The following NTRK3 variants were observed in gnomAD, a reference collection of about 807,000 sequenced individuals.
NTRK3 encodes neurotrophic receptor tyrosine kinase 3, also known as NT-3 growth factor receptor.
NTRK3 carries 24 observed loss-of-function variants against 91.7 expected under a neutral mutation model. The observed-to-expected ratio is 0.26, with a 90% CI of 0.19 to 0.37. The LOEUF (loss-of-function observed/expected upper bound fraction) is 0.37. Ranked by LOEUF, NTRK3 falls within the 10% of genes least tolerant of loss-of-function variation. The probability of loss-of-function intolerance (pLI) is 1.00; values close to 1 mark genes in which losing one functional copy is unlikely to be tolerated. For missense variants in NTRK3, 880 were observed against 1,068.9 expected (o/e 0.82, Z 2.46); for synonymous variants, 483 against 404.0 (o/e 1.20, Z -2.34).
intron 13 of NTRK3, among the ~76,000 whole-genome samples, chr15:88,096,048 G>C (rs1021374766): frequency 6.6e-6 from 1 of 152,066 alleles, no homozygotes; most frequent in Non-Finnish European, 1.5e-5. Context: ...TAGTATAAAT[G>C]GGAAAATAAT....
chr15:87,996,322 C>G (rs1385505865), intron 14 of NTRK3, among the ~76,000 whole-genome samples: 2 of 152,080 alleles, frequency 1.3e-5, no homozygotes, highest in Admixed American at 1.3e-4. Flanking sequence ...ATTGGGCTTG[C>G]AGGCTATAGT....
rs1598113397 is a variant in NTRK3 at position 88,237,370 on chromosome 15, G to T, written c.248+18536C>A. Among the ~76,000 whole-genome samples, 1 of 152,092 alleles carries T rather than the reference G, an allele frequency of 6.6e-6. No homozygotes were observed. The highest frequency in any genetic ancestry group is 2.1e-4 in the South Asian group (1 of 4,824). On this transcript the variant is annotated intron_variant, in intron 3 of 18. Transcript: ENST00000394480. The surrounding 1 kb of genome is among the most constrained non-coding windows in gnomAD (Gnocchi z 4.0). Reference sequence around the variant, plus strand: ...GCCCTATTTTGTGACCCATTGTTTTGGGAAGTTCTTTCTTACTGCTAAACC... The same window carrying T: ...GCCCTATTTTGTGACCCATTGTTTTTGGAAGTTCTTTCTTACTGCTAAACC...
intron 14 of NTRK3, among the ~76,000 whole-genome samples, chr15:87,991,550 C>T (rs2075289855): frequency 6.6e-6 from 1 of 152,156 alleles, no homozygotes; most frequent in South Asian, 2.1e-4. Context: ...TCTTGGCATT[C>T]CCATTATTGT....
chr15:88,238,957 C>T (rs1442163266), intron 3 of NTRK3, among the ~76,000 whole-genome samples: 1 of 152,220 alleles, frequency 6.6e-6, no homozygotes, highest in Non-Finnish European at 1.5e-5. Context: ...TCTCCATTTC[C>T]TCATCTGTCA....
intron 14 of NTRK3, among the ~76,000 whole-genome samples, chr15:87,993,662 C>G (rs1187396069): frequency 6.6e-6 from 1 of 152,196 alleles, no homozygotes; most frequent in Non-Finnish European, 1.5e-5. Flanking sequence ...CTACACAGCT[C>G]CCAAGCATCA....
intron 6 of NTRK3, among the ~76,000 whole-genome samples, chr15:88,145,036 G>A (rs1262505209): frequency 6.6e-6 from 1 of 152,090 alleles, no homozygotes; most frequent in African/African-American, 2.4e-5. Flanking sequence ...CTCCTCCAGG[G>A]CCAAAATTCT....
chr15:88,167,881 G>C (rs1318147215), intron 5 of NTRK3, among the ~76,000 whole-genome samples: 2 of 152,182 alleles, frequency 1.3e-5, no homozygotes, highest in African/African-American at 2.4e-5. Flanking sequence ...GTATGATCTA[G>C]AGCTATAGTA....
chr15:88,117,886 C>T (rs1052624307), intron 13 of NTRK3, among the ~76,000 whole-genome samples: 1 of 152,210 alleles, frequency 6.6e-6, no homozygotes, highest in African/African-American at 2.4e-5. Context: ...CAGGCTTCTG[C>T]TTCCTTCCCT....
chr15:88,203,822 A>C (rs939571101), intron 3 of NTRK3, among the ~76,000 whole-genome samples: 2 of 152,236 alleles, frequency 1.3e-5, no homozygotes, highest in Non-Finnish European at 1.5e-5. Context: ...ATGTATGTCT[A>C]TTATGTATCA....
intron 5 of NTRK3, among the ~76,000 whole-genome samples, chr15:88,171,835 A>G (rs1346163): frequency 1 from 152,024 of 152,364 alleles, 75,842 homozygotes; most frequent in Middle Eastern, 1. Context: ...TCGTTCAGTC[A>G]GCCATTTGTT....
chr15:87,994,593 C>T (rs2075547969), intron 14 of NTRK3, among the ~76,000 whole-genome samples: 1 of 152,284 alleles, frequency 6.6e-6, no homozygotes, highest in Middle Eastern at 3.4e-3. Context: ...TTCGGGCCTC[C>T]AGAACCGAGA....
At chr15:88,101,569 T>C (rs936695600) in intron 13 of NTRK3, among the ~76,000 whole-genome samples, 1 of 152,222 alleles carries the variant, frequency 6.6e-6, no homozygotes, top group Non-Finnish European at 1.5e-5. Flanking sequence ...CATGCACTCG[T>C]ATGTTTATCG....
chr15:88,208,067 C>T (rs1003106952), intron 3 of NTRK3, among the ~76,000 whole-genome samples: 5 of 152,118 alleles, frequency 3.3e-5, no homozygotes, highest in African/African-American at 1.2e-4. Context: ...TGTTGCAGTC[C>T]TCTAGCCACT....
intron 13 of NTRK3, among the ~76,000 whole-genome samples, chr15:88,077,655 A>C (rs1365125698): frequency 6.6e-6 from 1 of 152,166 alleles, no homozygotes; most frequent in Non-Finnish European, 1.5e-5. Flanking sequence ...TGAACACAGT[A>C]GGGGTACTCA....
rs1241636709 is a variant in NTRK3 at position 88,240,197 on chromosome 15, C to G, written c.248+15709G>C. Among the ~76,000 whole-genome samples the G allele has an allele frequency of 6.6e-6, 1 of 151,718 alleles. No individual in the cohort carries two copies. Among genetic ancestry groups the G allele is most frequent in the African/African-American group, 2.4e-5 (1 of 41,262 alleles). ...TGGCTCCCCTACTTTCCCATCCCGT[C>G]CCCAGCCACCGCCATAGAAACATCA... On this transcript the variant is annotated intron_variant, in intron 3 of 18. Coordinates refer to ENST00000394480, the Ensembl canonical transcript of NTRK3. This position sits in a 1 kb window ranked among gnomAD's most constrained non-coding sequence, Gnocchi z 4.9.
intron 14 of NTRK3, among the ~76,000 whole-genome samples, chr15:87,944,975 G>A (rs1000996119): frequency 6.6e-6 from 1 of 152,250 alleles, no homozygotes; most frequent in East Asian, 1.9e-4. Flanking sequence ...AGGCCAAAAA[G>A]TGATGGATTT....
chr15:88,198,380 C>A (rs2048013318), intron 3 of NTRK3, among the ~76,000 whole-genome samples: 1 of 152,210 alleles, frequency 6.6e-6, no homozygotes, highest in Non-Finnish European at 1.5e-5. Flanking sequence ...CTCTCCCTGC[C>A]CACCTCTGGG....
chr15:87,980,250 G>A (rs965257962), intron 14 of NTRK3, among the ~76,000 whole-genome samples: 1 of 152,190 alleles, frequency 6.6e-6, no homozygotes, highest in African/African-American at 2.4e-5. Flanking sequence ...AAAAGTGGGA[G>A]TTCCTAATAA....
At position 88,187,664 on chromosome 15, in the gene NTRK3, A is replaced by G. The variant is rs190063828; in HGVS notation, c.249-3365T>C. Among the ~76,000 whole-genome samples the G allele has an allele frequency of 5.3e-5, 8 of 152,286 alleles. No individual in the cohort carries two copies. The East Asian group carries it at 1.5e-3, about 29-fold the overall frequency. On this transcript the variant is annotated intron_variant, in intron 3 of 18. Transcript: ENST00000394480. ...GCATTTGTTTTGTCATTTGAAAATC[A>G]ATCAATACTGCCTGCAAAACAGACT...
Sources: gnomAD v4.1 joint callset for allele counts (sites outside exome capture counted in the v4.1 genomes callset) on GRCh38, gnomAD v4.1.1 for gene constraint, Gnocchi (gnomAD v3.1) non-coding constraint, MANE v1.5 for transcripts, NCBI Gene and HGNC (gene_info 2026-07-23, HGNC 2026-07-21) for gene names.